Variants in CACNA1S observed in about 807,000 individuals in gnomAD.
CACNA1S encodes the protein calcium voltage-gated channel subunit alpha1 S, also known as voltage-dependent L-type calcium channel subunit alpha-1S.
A neutral mutation model predicts 207.4 loss-of-function variants in CACNA1S; 126 were observed. That is an observed-to-expected ratio of 0.61 (90% CI 0.53 to 0.70). CACNA1S has a LOEUF of 0.70. Among genes scored for constraint, CACNA1S ranks in the 30% least tolerant of loss-of-function variants. CACNA1S has a pLI of 0.00. For missense variants in CACNA1S, 2,349 were observed against 2,422.8 expected, an observed-to-expected ratio of 0.97 and a Z score of 0.64; for synonymous variants, 960 against 932.7, an observed-to-expected ratio of 1.03 and a Z score of -0.53.
chr1:201,069,186 T>C lies in CACNA1S; in HGVS notation c.2501A>G (p.His834Arg). The C allele has an allele frequency of 1.9e-6, 3 of 1,614,040 alleles. No individual in the cohort carries two copies. The highest frequency in any genetic ancestry group is 1.6e-4 in the Middle Eastern group (1 of 6,062). The change falls in exon 19 of 44, where the codon CAC becomes CGC. Residue 834 changes from histidine to arginine, a missense_variant. His to Arg is a conservative substitution (Grantham distance 29, BLOSUM62 0). Coordinates refer to ENST00000362061, the MANE Select transcript of CACNA1S (RefSeq NM_000069.3). ...ADSMRNQILK[H>R]FDIGFTSVFT... ...GACAGAGGTGAACCCGATGTCAAAG[T>C]GTTTAAGGATCTGGGGACAGGGCAG...
At chr1:201,060,100 GC>G (rs1272299909) in intron 26 of CACNA1S, among the ~76,000 whole-genome samples, 1 of 152,202 alleles carries the variant, frequency 6.6e-6, no homozygotes, top group African/African-American at 2.4e-5. Context: ...CCATGACCTA[GC>G]AGTGTGTGTT....
chr1:201,040,576 C>A, intron 42 of CACNA1S, 46 bp downstream of exon 42: 2 of 1,564,110 alleles, frequency 1.3e-6, no homozygotes, highest in Non-Finnish European at 8.8e-7. Context: ...TCAGGCCAGG[C>A]AGGGTCTCTG....
At chr1:201,109,719 G>A (rs560411832) in intron 2 of CACNA1S, among the ~76,000 whole-genome samples, 1 of 152,270 alleles carries the variant, frequency 6.6e-6, no homozygotes, top group East Asian at 1.9e-4. Context: ...CAGATTCCTG[G>A]ATAAAACTCT....
chr1:201,072,631 T>C (rs1661465201), intron 16 of CACNA1S, 124 bp downstream of exon 16: 2 of 776,990 alleles, frequency 2.6e-6, no homozygotes, highest in South Asian at 2.7e-5. Flanking sequence ...TCCGGTGTTC[T>C]GATCTCCACA....
At chr1:201,106,356 A>C (rs1572075234) in intron 2 of CACNA1S, among the ~76,000 whole-genome samples, 1 of 151,590 alleles carries the variant, frequency 6.6e-6, no homozygotes, top group Admixed American at 6.6e-5. Context: ...CATGCTCCAC[A>C]TGGGGCCTGA....
intron 2 of CACNA1S, 36 bp from the exon 3 acceptor site, chr1:201,094,057 G>T (rs570474180): frequency 6.2e-7 from 1 of 1,613,636 alleles, no homozygotes; most frequent in Admixed American, 1.7e-5. Flanking sequence ...ATGCCTCTGT[G>T]CTCTCTGAGT....
At chr1:201,072,711 T>G (rs770304405) in intron 16 of CACNA1S, 44 bp downstream of exon 16, 9 of 1,497,132 alleles carry the variant, frequency 6.0e-6, no homozygotes, top group Non-Finnish European at 8.4e-6. Flanking sequence ...ACACCCCTAC[T>G]TCACCCCAGC....
chr1:201,108,760 T>G (rs1461681659), intron 2 of CACNA1S, among the ~76,000 whole-genome samples: 1 of 152,178 alleles, frequency 6.6e-6, no homozygotes, highest in African/African-American at 2.4e-5. Flanking sequence ...GGCAGAGATG[T>G]GTCAGGCCCT....
intron 7 of CACNA1S, among the ~76,000 whole-genome samples, chr1:201,086,120 C>T (rs1432943039): frequency 6.6e-6 from 1 of 152,204 alleles, no homozygotes; most frequent in Non-Finnish European, 1.5e-5. Context: ...TGACCACCTG[C>T]CCCGCAGGGC....
At chr1:201,061,617 C>T in intron 24 of CACNA1S, 149 bp from the exon 25 acceptor site, 1 of 743,188 alleles carries the variant, frequency 1.3e-6, no homozygotes, top group Non-Finnish European at 2.2e-6. Context: ...TAGGTCGGCG[C>T]CAGGAAAGAC....
chr1:201,087,377 CTG>C (rs1662067984), intron 7 of CACNA1S, among the ~76,000 whole-genome samples: 1 of 152,186 alleles, frequency 6.6e-6, no homozygotes, highest in Non-Finnish European at 1.5e-5. Context: ...GCTCCAGAGT[CTG>C]TGTGCTTAAC....
intron 2 of CACNA1S, among the ~76,000 whole-genome samples, chr1:201,105,988 G>T (rs1377460486): frequency 6.6e-6 from 1 of 152,144 alleles, no homozygotes; most frequent in Non-Finnish European, 1.5e-5. Context: ...AAAATGCTTG[G>T]ACCTGCAAAT....
chr1:201,086,072 G>A (rs1662029474), intron 7 of CACNA1S, among the ~76,000 whole-genome samples: 1 of 152,230 alleles, frequency 6.6e-6, no homozygotes, highest in East Asian at 1.9e-4. Flanking sequence ...AAGGCTCCAT[G>A]AGGGATCTTC....
chr1:201,068,931 T>C (rs1462324838), intron 19 of CACNA1S, among the ~76,000 whole-genome samples: 1 of 152,076 alleles, frequency 6.6e-6, no homozygotes, highest in Non-Finnish European at 1.5e-5. Context: ...ACTCTGTGGA[T>C]GGGGGAGCCA....
chr1:201,089,341 T>G lies in CACNA1S; in HGVS notation c.817A>C (p.Thr273Pro). The G allele has an allele frequency of 1.2e-6, 2 of 1,614,208 alleles. No homozygotes were observed. Among genetic ancestry groups the G allele is most frequent in the Non-Finnish European group, 1.7e-6 (2 of 1,180,038 alleles). ...GAGAAGCCGAAGTTGTCGAAGTGGG[T>G]GATGCCATGGTTGGGCCCTGGCCAG... ...GGWPGPNHGI[T>P]HFDNFGFSML... Residue 273 changes from threonine (T) to proline (P), a missense_variant, in exon 6 of 44, where the codon ACC (threonine) becomes CCC (proline). Transcript: ENST00000362061.
At chr1:201,049,183 A>C (rs1454833226) in intron 34 of CACNA1S, 84 bp from the exon 35 acceptor site, 4 of 939,480 alleles carry the variant, frequency 4.3e-6, no homozygotes, top group Non-Finnish European at 6.7e-6. Flanking sequence ...GCAATGGGAA[A>C]GAAAGCCAGG....
In CACNA1S at chr1:201,047,555, G is replaced by A. The variant is rs1660510946; in HGVS notation, c.4513C>T (p.Leu1505Phe). 6.2e-7 allele frequency: 1 copy of A among 1,614,152 alleles called. No homozygotes were observed. Among genetic ancestry groups the A allele is most frequent in the Non-Finnish European group, 8.5e-7 (1 of 1,179,962 alleles). Residue 1505 changes from leucine (L) to phenylalanine (F), a missense_variant, in exon 37 of 44, where the codon CTC becomes TTC. Coordinates refer to ENST00000362061, the MANE Select transcript of CACNA1S (RefSeq NM_000069.3). ...ATTGGAGGGATGACCTGGTCCAAGA[G>A]CTTCATGCTGGTTCTCTTCCAGATC... The part of the protein sequence containing the change: ...KKIWKRTSMK[L>F]LDQVIPPIGD...
chr1:201,085,059 A>T (rs764324402), intron 8 of CACNA1S, 28 bp from the exon 9 acceptor site: 2 of 1,568,080 alleles, frequency 1.3e-6, no homozygotes, highest in Non-Finnish European at 1.7e-6. Flanking sequence ...AGAGTCAGCC[A>T]GCCTTCGGGG....
At chr1:201,091,612 C>T in intron 5 of CACNA1S, 28 bp downstream of exon 5, 5 of 1,614,008 alleles carry the variant, frequency 3.1e-6, no homozygotes, top group African/African-American at 1.3e-5. Context: ...GGCCCTGCCC[C>T]ACAGCCCCAC....
Sources: gnomAD v4.1 joint callset for allele counts (sites outside exome capture counted in the v4.1 genomes callset) on GRCh38, gnomAD v4.1.1 for gene constraint, MANE v1.5 for transcripts, NCBI Gene and HGNC (gene_info 2026-07-23, HGNC 2026-07-21) for gene names.